Variants in MAP7 observed in about 807,000 individuals in gnomAD.
MAP7 encodes ensconsin.
MAP7 carries 52 observed loss-of-function variants against 94.8 expected under a neutral mutation model. The observed-to-expected ratio is 0.55, with a 90% CI of 0.44 to 0.69. MAP7 has a LOEUF of 0.69. Among genes scored for constraint, MAP7 ranks in the 30% least tolerant of loss-of-function variants. MAP7 has a pLI of 0.00. For missense variants in MAP7, 940 were observed against 964.6 expected, an observed-to-expected ratio of 0.97 and a Z score of 0.34; for synonymous variants, 350 against 357.0, an observed-to-expected ratio of 0.98 and a Z score of 0.22.
chr6:136,472,658 A>G (rs1809430928), intron 1 of MAP7, among the ~76,000 whole-genome samples: 1 of 152,146 alleles, frequency 6.6e-6, no homozygotes, highest in South Asian at 2.1e-4. Context: ...AATAGATGGA[A>G]GGAAAAAAGT....
At chr6:136,408,411 A>G (rs1231349411) in intron 3 of MAP7, among the ~76,000 whole-genome samples, 1 of 152,228 alleles carries the variant, frequency 6.6e-6, no homozygotes, top group Admixed American at 6.5e-5. Flanking sequence ...ACAGAAAGTT[A>G]TTAATAAGTC....
chr6:136,365,925 GAC>G lies in MAP7; in HGVS notation c.1081_1082del (p.Val361ProfsTer20). 6.2e-7 allele frequency: 1 copy of G among 1,614,110 alleles called. No homozygotes were observed. The highest frequency in any genetic ancestry group is 8.5e-7 in the Non-Finnish European group (1 of 1,180,030). The stretch of plus-strand genomic sequence containing the variant: ...GGATGTTGCCGGGGGATGGGGGCCG[GAC>G]CTGAGCAGGAGCAGCTTTGACTGAG... Reference protein sequence around the residue: ...PGSVKAAPAQVRPPSPGNIRP... With the variant: ...PGSVKAAPAQXRPPSPGNIRP... On this transcript the variant is annotated frameshift_variant, in exon 10 of 18. Coordinates refer to ENST00000354570, the MANE Select transcript of MAP7 (RefSeq NM_003980.6). LOFTEE classifies it high-confidence loss of function.
At chr6:136,354,123 T>A (rs57614548) in intron 16 of MAP7, among the ~76,000 whole-genome samples, 13,410 of 142,018 alleles carry the variant, frequency 0.094, 1,174 homozygotes, top group African/African-American at 0.22. Flanking sequence ...TATATATATA[T>A]TATATATATA....
At chr6:136,350,729 C>T (rs945767889) in intron 16 of MAP7, among the ~76,000 whole-genome samples, 25 of 152,028 alleles carry the variant, frequency 1.6e-4, no homozygotes, top group Admixed American at 8.5e-4. Flanking sequence ...TGTGGTGGCT[C>T]GCACCTGTAG....
At chr6:136,526,234 C>T (rs761978932) in intron 1 of MAP7, 1 of 1,187,430 alleles carries the variant, frequency 8.4e-7, no homozygotes, top group Non-Finnish European at 1.0e-6. Flanking sequence ...CAGGCACATG[C>T]GCTGGTGATT....
chr6:136,366,100 G>A, intron 9 of MAP7, 82 bp from the exon 10 acceptor site: 2 of 1,393,172 alleles, frequency 1.4e-6, no homozygotes, highest in Middle Eastern at 5.1e-4. Flanking sequence ...CTCGATGGAA[G>A]AGAATGCAGA....
At chr6:136,448,460 G>C (rs918543694) in intron 1 of MAP7, among the ~76,000 whole-genome samples, 4 of 150,698 alleles carry the variant, frequency 2.7e-5, no homozygotes, top group Admixed American at 2.6e-4. Flanking sequence ...TATCGTCCAG[G>C]CTGGAGTGCA....
At chr6:136,379,474 G>A (rs1341318376) in intron 6 of MAP7, among the ~76,000 whole-genome samples, 1 of 152,172 alleles carries the variant, frequency 6.6e-6, no homozygotes, top group African/African-American at 2.4e-5. Flanking sequence ...CACGGGCTAA[G>A]TACTATCATA....
intron 1 of MAP7, among the ~76,000 whole-genome samples, chr6:136,486,524 T>C (rs1432546391): frequency 1.3e-5 from 2 of 152,206 alleles, no homozygotes; most frequent in East Asian, 3.9e-4. Context: ...TTTCCTCAAT[T>C]CTAATTTTCA....
intron 1 of MAP7, among the ~76,000 whole-genome samples, chr6:136,448,100 G>A (rs956082832): frequency 2.0e-5 from 3 of 152,028 alleles, no homozygotes; most frequent in African/African-American, 7.2e-5. Context: ...GCTGAGGCAG[G>A]AAAATCACTT....
rs144594759 is a variant in MAP7 at position 136,523,117 on chromosome 6, A to C, written c.67+27225T>G. ...CAACAAATGATACAGGCAACTAGTG[A>C]CTGGTAATAATAATAATCAGAACAG... On this transcript the variant is annotated intron_variant, in intron 1 of 17. Coordinates refer to ENST00000354570, the MANE Select transcript of MAP7 (RefSeq NM_003980.6). 5.3e-3 allele frequency among the ~76,000 whole-genome samples: 802 copies of C among 152,356 alleles called. 3 individuals are homozygous for C. Among genetic ancestry groups the C allele is most frequent in the African/African-American group, 0.019 (772 of 41,580 alleles).
chr6:136,507,708 G>C (rs529313992), intron 1 of MAP7, among the ~76,000 whole-genome samples: 1 of 152,268 alleles, frequency 6.6e-6, no homozygotes, highest in East Asian at 1.9e-4. Context: ...ACAGTTACAA[G>C]CATGTTTTAG....
At chr6:136,521,516 C>G (rs1472946244) in intron 1 of MAP7, among the ~76,000 whole-genome samples, 3 of 152,090 alleles carry the variant, frequency 2.0e-5, no homozygotes, top group Non-Finnish European at 4.4e-5. Flanking sequence ...ATCTGGACAT[C>G]AATCAGGTTT....
At chr6:136,532,164 ACAT>A (rs1425400175) in intron 1 of MAP7, among the ~76,000 whole-genome samples, 2 of 152,220 alleles carry the variant, frequency 1.3e-5, no homozygotes, top group African/African-American at 4.8e-5. Flanking sequence ...AGCTCACTAA[ACAT>A]CATCAGCGCA....
intron 1 of MAP7, among the ~76,000 whole-genome samples, chr6:136,437,590 G>A (rs1378167418): frequency 6.5e-4 from 99 of 152,252 alleles, no homozygotes; most frequent in Non-Finnish European, 2.4e-4. Context: ...CTAAGATTAT[G>A]TATAAGAATG....
At chr6:136,442,660 A>G (rs1798222332) in intron 1 of MAP7, among the ~76,000 whole-genome samples, 1 of 152,106 alleles carries the variant, frequency 6.6e-6, no homozygotes, top group South Asian at 2.1e-4. Context: ...CAACTCACAG[A>G]ATTTAAACTA....
chr6:136,383,836 C>T, intron 5 of MAP7, 55 bp from the exon 6 acceptor site: 2 of 1,051,196 alleles, frequency 1.9e-6, no homozygotes. Context: ...ATTGCAATTT[C>T]CTAGTTCACT....
chr6:136,388,605 A>G, intron 4 of MAP7, 95 bp from the exon 5 acceptor site: 2 of 900,314 alleles, frequency 2.2e-6, no homozygotes, highest in South Asian at 2.9e-5. Flanking sequence ...TACTACTTCA[A>G]TTCCCACTCT....
chr6:136,550,377 T>G lies in MAP7; in HGVS notation c.32A>C (p.His11Pro). 1 of 1,530,038 alleles carries G rather than the reference T, an allele frequency of 6.5e-7. No homozygotes were observed. Among genetic ancestry groups the G allele is most frequent in the East Asian group, 2.7e-5 (1 of 36,884 alleles). 94.8% of individuals were successfully genotyped at this position (1,530,038 alleles called of 1,614,324 possible). Residue 11 changes from histidine (H) to proline (P), a missense_variant, in exon 1 of 18, where the codon CAC (histidine) becomes CCC (proline). By Grantham distance (77) the His-to-Pro change is moderately conservative (BLOSUM62 -2). Coordinates refer to ENST00000354570, the MANE Select transcript of MAP7 (RefSeq NM_003980.6). The surrounding 1 kb of genome is among the most constrained non-coding windows in gnomAD (Gnocchi z 5.1). Reference sequence around the variant, plus strand: ...TCGCACTGCGCCGTCGCCGCCCCTGTGGCCGTCGCCGCCAGCTCCTAGCTC... The same window carrying G: ...TCGCACTGCGCCGTCGCCGCCCCTGGGGCCGTCGCCGCCAGCTCCTAGCTC... MAELGAGGDGHRGGDGAVRSE... is the reference protein window; with the variant it reads MAELGAGGDGPRGGDGAVRSE...
Sources: gnomAD v4.1 joint callset for allele counts (sites outside exome capture counted in the v4.1 genomes callset) on GRCh38, gnomAD v4.1.1 for gene constraint, Gnocchi (gnomAD v3.1) non-coding constraint, MANE v1.5 for transcripts, NCBI Gene and HGNC (gene_info 2026-07-23, HGNC 2026-07-21) for gene names.